The following BABAM1 variants were observed in gnomAD, a reference collection of about 807,000 sequenced individuals.
The protein encoded by BABAM1 is BRISC and BRCA1 A complex member 1, also known as BRISC and BRCA1-A complex member 1.
A neutral mutation model predicts 34.4 loss-of-function variants in BABAM1; 14 were observed. The ratio of observed to expected loss-of-function variants is 0.41; its 90% CI spans 0.27 to 0.64. The LOEUF (loss-of-function observed/expected upper bound fraction) is 0.64, where lower values mean the gene tolerates loss of function less well. Ranked by LOEUF, BABAM1 falls within the 30% of genes least tolerant of loss-of-function variation. BABAM1 has a pLI of 0.34. For missense variants in BABAM1, 393 were observed against 434.0 expected (o/e 0.91, Z 0.84); for synonymous variants, 169 against 165.8 (o/e 1.02, Z -0.15).
intron 5 of BABAM1, 66 bp downstream of exon 5, chr19:17,274,251 G>C: frequency 1.3e-6 from 2 of 1,580,118 alleles, no homozygotes; most frequent in Non-Finnish European, 1.7e-6. Flanking sequence ...TTGGGGCCCA[G>C]GAAAGTCTAA....
chr19:17,275,432 A>G (rs1490332108), intron 5 of BABAM1, among the ~76,000 whole-genome samples: 5 of 152,176 alleles, frequency 3.3e-5, no homozygotes, highest in Non-Finnish European at 7.3e-5. Flanking sequence ...CTGGGATTAC[A>G]GACATGTGCC....
chr19:17,278,064 C>T (rs910185350), intron 8 of BABAM1, among the ~76,000 whole-genome samples: 5 of 151,640 alleles, frequency 3.3e-5, no homozygotes, highest in African/African-American at 1.2e-4. Flanking sequence ...ATCCCATCTA[C>T]TCAGGAGGCT....
intron 8 of BABAM1, among the ~76,000 whole-genome samples, chr19:17,278,593 G>A: frequency 6.6e-6 from 1 of 151,884 alleles, no homozygotes; most frequent in East Asian, 1.9e-4. Flanking sequence ...ACAGGCGTGA[G>A]CCACCGCGCC....
At position 17,275,830 on chromosome 19, in the gene BABAM1, G is replaced by A; in HGVS notation, c.569+5G>A. On this transcript the variant is annotated splice_donor_5th_base_variant and intron_variant, in intron 6 of 8. Coordinates refer to ENST00000598188, the MANE Select transcript of BABAM1 (RefSeq NM_014173.4). Reference sequence around the variant, plus strand: ...GGAAGGACTTTTCAGCCTCATGTAAGTCCCCTGTGGGGAAATTCTTATTCA... The same window carrying A: ...GGAAGGACTTTTCAGCCTCATGTAAATCCCCTGTGGGGAAATTCTTATTCA... 4 of 1,613,364 alleles carry A rather than the reference G, an allele frequency of 2.5e-6. No individual in the cohort carries two copies. Among genetic ancestry groups the A allele is most frequent in the Non-Finnish European group, 3.4e-6 (4 of 1,179,362 alleles).
At chr19:17,278,769 C>A (rs1048377232) in intron 8 of BABAM1, 76 bp from the exon 9 acceptor site, 1 of 1,412,160 alleles carries the variant, frequency 7.1e-7, no homozygotes, top group Non-Finnish European at 9.7e-7. Flanking sequence ...TCTGAGAAGC[C>A]CTCCAGGGAT....
In BABAM1 at chr19:17,267,473, T is replaced by C. The variant is rs2073780579; in HGVS notation, c.-68T>C. ...ACTTCCGGCTGTAAAGATGGCGGCTTCCTAGTGAGTCGGCGGCTGATTTAG... is the reference window on the plus strand; with the variant it reads ...ACTTCCGGCTGTAAAGATGGCGGCTCCCTAGTGAGTCGGCGGCTGATTTAG... On this transcript the variant is annotated 5_prime_UTR_variant, in exon 1 of 9. Coordinates refer to ENST00000598188, the MANE Select transcript of BABAM1 (RefSeq NM_014173.4). 2 of 152,172 alleles carry C rather than the reference T, an allele frequency of 1.3e-5. No homozygotes were observed. The highest frequency in any genetic ancestry group is 4.1e-4 in the South Asian group (2 of 4,832). 9.4% of individuals were successfully genotyped at this position (152,172 alleles called of 1,614,324 possible). A position where few individuals can be genotyped will look rare whatever the true frequency, so the allele number is the denominator to read the frequency against.
intron 5 of BABAM1, among the ~76,000 whole-genome samples, chr19:17,275,080 T>G (rs1456515313): frequency 6.6e-6 from 1 of 152,000 alleles, no homozygotes; most frequent in Non-Finnish European, 1.5e-5. Flanking sequence ...TAATTTTGAA[T>G]GTTTTGTAGA....
rs750288594 is a variant in BABAM1, at chr19:17,274,017, C to T, written c.458C>T (p.Thr153Met). 1.2e-5 allele frequency: 20 copies of T among 1,613,926 alleles called. No homozygotes were observed. Among genetic ancestry groups the T allele is most frequent in the South Asian group, 7.7e-5 (7 of 91,082 alleles). The change falls in exon 4 of 9, where the codon ACG becomes ATG. Residue 153 changes from threonine (T) to methionine (M), a missense_variant. By Grantham distance (81) the Thr-to-Met change is moderately conservative (BLOSUM62 -1). Coordinates refer to ENST00000598188, the MANE Select transcript of BABAM1 (RefSeq NM_014173.4). ...EFALVVVNDD[T>M]AWLSGLTSDP... Reference sequence around the variant, plus strand: ...GCACTGGTGGTGGTGAACGATGACACGGCCTGGGTGAGGCTGCGGCAGGCG... The same window carrying T: ...GCACTGGTGGTGGTGAACGATGACATGGCCTGGGTGAGGCTGCGGCAGGCG...
rs150562118 is a variant in BABAM1 at position 17,272,975 on chromosome 19, G to A, written c.345-929G>A. Among the ~76,000 whole-genome samples, 499 of 152,180 alleles carry A rather than the reference G, an allele frequency of 3.3e-3. 4 individuals are homozygous for A. The highest frequency in any genetic ancestry group is 0.011 in the African/African-American group (457 of 41,534). On this transcript the variant is annotated intron_variant, in intron 3 of 8. Coordinates refer to ENST00000598188, the MANE Select transcript of BABAM1 (RefSeq NM_014173.4). ...GGAGGTTGCGGTGAGCCAAGATCGC[G>A]CCATTGCACTCCAGCCTGGGCAACA...
intron 5 of BABAM1, among the ~76,000 whole-genome samples, chr19:17,275,297 TA>T (rs1295292453): frequency 5.4e-5 from 7 of 128,960 alleles, no homozygotes; most frequent in Admixed American, 2.4e-4. Context: ...TTTATTATTA[TA>T]TTTTTTTTTG....
rs774060954 is a variant in BABAM1 at position 17,268,836 on chromosome 19, TGAAGAGGAGGAGGAG to T, written c.40_54del (p.Glu14_Glu18del). Reference sequence around the variant, plus strand: ...AAGTGGCAGAGCCCAGCAGCCCCACTGAAGAGGAGGAGGAGGAAGAGGAGCACTCGGCAGAGCCTC... The same window carrying T: ...AAGTGGCAGAGCCCAGCAGCCCCACTGAAGAGGAGCACTCGGCAGAGCCTC... On this transcript the variant is annotated inframe_deletion, in exon 2 of 9. Transcript: ENST00000598188. 2.5e-6 allele frequency: 4 copies of T among 1,610,038 alleles called. No homozygotes were observed. Among genetic ancestry groups the T allele is most frequent in the Non-Finnish European group, 3.4e-6 (4 of 1,178,140 alleles).
chr19:17,274,909 GGGACCTT>G (rs1568335270), intron 5 of BABAM1, among the ~76,000 whole-genome samples: 1 of 152,158 alleles, frequency 6.6e-6, no homozygotes, highest in Admixed American at 6.6e-5. Flanking sequence ...TGCAGGAAAG[GGGACCTT>G]TTTTTATTTT....
Position 17,276,919 on chromosome 19 carries a change from TGC to T in BABAM1, c.786+11_786+12del. On this transcript the variant is annotated intron_variant, in intron 8 of 8. Transcript: ENST00000598188. ...GGAGATGAGTTGGAAGGTGAGAGGC[TGC>T]AGCAGGTGTGAGTAGCAGGCGGGTG... 6.3e-7 allele frequency: 1 copy of T among 1,586,596 alleles called. No individual in the cohort carries two copies.
chr19:17,276,682 A>G, intron 7 of BABAM1, 58 bp downstream of exon 7: 1 of 1,566,662 alleles, frequency 6.4e-7, no homozygotes, highest in Non-Finnish European at 8.7e-7. Flanking sequence ...GTGGTTAGAC[A>G]CCAGGAGGGA....
chr19:17,268,427 CTTT>C (rs10715818), intron 1 of BABAM1: 36 of 129,144 alleles, frequency 2.8e-4, no homozygotes, highest in South Asian at 1.1e-3. Flanking sequence ...AGTAACCAAT[CTTT>C]TTTTTTTTTT....
Position 17,274,093 on chromosome 19 carries a change from C to T in BABAM1, c.466-14C>T. On this transcript the variant is annotated splice_polypyrimidine_tract_variant and intron_variant, in intron 4 of 8. Coordinates refer to ENST00000598188, the MANE Select transcript of BABAM1 (RefSeq NM_014173.4). ...CCCGGGGAGCATCGCACTGAGGCCT[C>T]TGCTTCCCTGCAGCTGTCTGGCCTG... is the stretch of plus-strand genomic sequence containing the variant. The T allele has an allele frequency of 6.2e-7, 1 of 1,613,798 alleles. No individual in the cohort carries two copies. The highest frequency in any genetic ancestry group is 8.5e-7 in the Non-Finnish European group (1 of 1,179,866).
chr19:17,274,076 G>A, intron 4 of BABAM1, 31 bp from the exon 5 acceptor site: 1 of 1,613,808 alleles, frequency 6.2e-7, no homozygotes, highest in Non-Finnish European at 8.5e-7. Flanking sequence ...GGCCCGGGGA[G>A]CATCGCACTG....
intron 2 of BABAM1, among the ~76,000 whole-genome samples, chr19:17,270,637 T>A (rs1302150283): frequency 6.7e-6 from 1 of 149,992 alleles, no homozygotes; most frequent in Non-Finnish European, 1.5e-5. Context: ...ATGATTCTCC[T>A]GCCTCAGCCT....
At chr19:17,273,866 A>C in intron 3 of BABAM1, 38 bp from the exon 4 acceptor site, 1 of 1,564,888 alleles carries the variant, frequency 6.4e-7, no homozygotes, top group Non-Finnish European at 8.7e-7. Flanking sequence ...CCCGGCCCTG[A>C]GGGAACCTTA....
Sources: gnomAD v4.1 joint callset for allele counts (sites outside exome capture counted in the v4.1 genomes callset) on GRCh38, gnomAD v4.1.1 for gene constraint, MANE v1.5 for transcripts, NCBI Gene and HGNC (gene_info 2026-07-23, HGNC 2026-07-21) for gene names.